PCDHA7: variants seen among roughly 807,000 people sequenced by gnomAD.
PCDHA7 encodes protocadherin alpha-7.
A neutral mutation model predicts 57.2 loss-of-function variants in PCDHA7; 37 were observed. The observed-to-expected ratio is 0.65, with a 90% CI of 0.50 to 0.85. The LOEUF (loss-of-function observed/expected upper bound fraction) is 0.85. Among genes scored for constraint, PCDHA7 ranks in the 40% least tolerant of loss-of-function variants. The pLI, the probability that PCDHA7 is intolerant of heterozygous loss-of-function variation, is 0.00. For missense variants in PCDHA7, 1,188 were observed against 1,241.8 expected (o/e 0.96, Z 0.65); for synonymous variants, 553 against 558.8 (o/e 0.99, Z 0.15).
chr5:140,915,164 G>A (rs782783727), intron 1 of PCDHA7, among the ~76,000 whole-genome samples: 27 of 152,144 alleles, frequency 1.8e-4, no homozygotes, highest in African/African-American at 5.3e-4. Flanking sequence ...GGCCAGGATA[G>A]TCTCGATCTC....
At chr5:140,999,947 G>A (rs993598998) in intron 3 of PCDHA7, among the ~76,000 whole-genome samples, 1 of 152,110 alleles carries the variant, frequency 6.6e-6, no homozygotes, top group Non-Finnish European at 1.5e-5. Flanking sequence ...CACCCAAAGA[G>A]GGTGAAATAC....
chr5:140,886,455 A>G (rs1554182545), intron 1 of PCDHA7, among the ~76,000 whole-genome samples: 1 of 152,186 alleles, frequency 6.6e-6, no homozygotes, highest in African/African-American at 2.4e-5. Flanking sequence ...ATTTTGTCAT[A>G]TATAAATGTT....
At chr5:140,950,555 C>T (rs1421946616) in intron 1 of PCDHA7, among the ~76,000 whole-genome samples, 1 of 151,964 alleles carries the variant, frequency 6.6e-6, no homozygotes, top group Non-Finnish European at 1.5e-5. Flanking sequence ...GCTGGGGGGA[C>T]ACTTATTTTA....
chr5:140,843,369 C>T lies in PCDHA7; in HGVS notation c.2355+6631C>T, dbSNP rs2150358449. 7 of 1,595,922 alleles carry T rather than the reference C, an allele frequency of 4.4e-6. No individual in the cohort carries two copies. Among genetic ancestry groups the T allele is most frequent in the African/African-American group, 1.3e-5 (1 of 74,440 alleles). ...GCTCCAAAAGCGTCATCGAGGCAGT[C>T]GGCTGGCGTTTTGGGTCCGGAAGCG... On this transcript the variant is annotated intron_variant, in intron 1 of 3. Transcript: ENST00000525929.
chr5:140,972,552 T>G (rs1247039171), intron 1 of PCDHA7, among the ~76,000 whole-genome samples: 1 of 152,160 alleles, frequency 6.6e-6, no homozygotes, highest in Admixed American at 6.5e-5. Flanking sequence ...CAGTGAGGAT[T>G]CTGAAGTAAC....
intron 1 of PCDHA7, chr5:140,864,867 C>A (rs868913325): frequency 3.9e-5 from 6 of 152,058 alleles, no homozygotes; most frequent in South Asian, 2.1e-4. Context: ...AAGGGTGATA[C>A]CATTGTCTGT....
At chr5:140,993,510 G>A (rs144120217) in intron 3 of PCDHA7, among the ~76,000 whole-genome samples, 7 of 129,138 alleles carry the variant, frequency 5.4e-5, no homozygotes, top group African/African-American at 1.4e-4. Context: ...ACACACACAC[G>A]GGGAGAGAGA....
chr5:140,842,996 A>C, intron 1 of PCDHA7: 1 of 1,594,948 alleles, frequency 6.3e-7, no homozygotes, highest in Non-Finnish European at 8.6e-7. Flanking sequence ...GCTGGACGAG[A>C]ATGACAACGC....
intron 1 of PCDHA7, among the ~76,000 whole-genome samples, chr5:140,924,898 AAAAAAAATAAAAT>A (rs1214088536): frequency 1.9e-4 from 10 of 53,034 alleles, no homozygotes; most frequent in Non-Finnish European, 1.3e-4. Context: ...CTGTCTCAAA[AAAAAAAATAAAAT>A]AAAATAAAAT....
At chr5:140,839,812 A>G (rs2150301074) in intron 1 of PCDHA7, among the ~76,000 whole-genome samples, 1 of 152,032 alleles carries the variant, frequency 6.6e-6, no homozygotes, top group African/African-American at 2.4e-5. Flanking sequence ...TTAATTGCCT[A>G]CTATGAAGGC....
chr5:140,985,394 A>C (rs2097150028), intron 3 of PCDHA7, among the ~76,000 whole-genome samples: 1 of 152,084 alleles, frequency 6.6e-6, no homozygotes, highest in South Asian at 2.1e-4. Context: ...AGTCACCCCA[A>C]CTGTTCCCCT....
chr5:140,884,563 T>TAAGACG (rs2060266286), intron 1 of PCDHA7: 9 of 1,614,032 alleles, frequency 5.6e-6, no homozygotes, highest in Non-Finnish European at 7.6e-6. Context: ...AGGGCCCGCA[T>TAAGACG]AAGACGGACC....
chr5:140,927,656 T>C (rs782201050), intron 1 of PCDHA7: 4 of 1,613,938 alleles, frequency 2.5e-6, no homozygotes, highest in Non-Finnish European at 3.4e-6. Flanking sequence ...TTATTCCGAG[T>C]TCAAGCCTTG....
rs2150424631 is a variant in PCDHA7 at position 140,848,919 on chromosome 5, A to G, written c.2355+12181A>G. ...CCCAGCGACACAAAAGAATCTGTTC[A>G]TCGCGGAATCCAGGCCGCTTGACTC... is the stretch of plus-strand genomic sequence containing the variant. On this transcript the variant is annotated intron_variant, in intron 1 of 3. Coordinates refer to ENST00000525929, the MANE Select transcript of PCDHA7 (RefSeq NM_018910.3). 5 of 1,608,020 alleles carry G rather than the reference A, an allele frequency of 3.1e-6. No homozygotes were observed. The South Asian group carries it at 5.5e-5, about 18-fold the overall frequency.
intron 1 of PCDHA7, chr5:140,870,717 T>G: frequency 6.2e-7 from 1 of 1,613,180 alleles, no homozygotes. Flanking sequence ...GCGCGCGCGA[T>G]GCGGGCGTGC....
chr5:140,842,998 T>G (rs2150349585), intron 1 of PCDHA7: 5 of 1,594,952 alleles, frequency 3.1e-6, no homozygotes, highest in Non-Finnish European at 4.3e-6. Flanking sequence ...TGGACGAGAA[T>G]GACAACGCGC....
chr5:140,928,719 T>C (rs1554206226), intron 1 of PCDHA7: 31 of 1,614,044 alleles, frequency 1.9e-5, no homozygotes, highest in Non-Finnish European at 2.5e-5. Flanking sequence ...CTAGTCTCTT[T>C]AGAATTTCAG....
chr5:140,899,607 TC>T (rs1301087468), intron 1 of PCDHA7, among the ~76,000 whole-genome samples: 11 of 152,322 alleles, frequency 7.2e-5, no homozygotes, highest in African/African-American at 2.6e-4. Flanking sequence ...GACTTTTGCA[TC>T]AATGTTCATC....
intron 1 of PCDHA7, chr5:140,968,662 C>CT (rs781816838): frequency 1.2e-6 from 2 of 1,614,158 alleles, no homozygotes; most frequent in South Asian, 2.2e-5. Context: ...ACCTGGACCT[C>CT]TTTAAGGTAG....
Sources: allele counts gnomAD v4.1 joint callset (sites outside exome capture counted in the v4.1 genomes callset), GRCh38; gene constraint gnomAD v4.1.1; transcripts MANE v1.5; gene names NCBI Gene and HGNC (gene_info 2026-07-23, HGNC 2026-07-21).